The following PPP2R2B variants were observed in gnomAD, a reference collection of about 807,000 sequenced individuals.
PPP2R2B encodes the protein protein phosphatase 2 regulatory subunit Bbeta.
Under a neutral mutation model 46.0 loss-of-function variants are expected in PPP2R2B, and 5 were observed. The observed-to-expected ratio is 0.11, with a 90% CI of 0.06 to 0.23. PPP2R2B has a LOEUF of 0.23. PPP2R2B is among the 10% of genes least tolerant of loss of function. The probability of loss-of-function intolerance (pLI) is 1.00; values close to 1 mark genes in which losing one functional copy is unlikely to be tolerated. For synonymous variants in PPP2R2B, 215 were observed against 206.7 expected, an observed-to-expected ratio of 1.04 and a Z score of -0.34; for missense variants, 367 against 575.0, an observed-to-expected ratio of 0.64 and a Z score of 3.70.
At chr5:146,847,955 G>A (rs1191522566) in intron 2 of PPP2R2B, among the ~76,000 whole-genome samples, 3 of 152,064 alleles carry the variant, frequency 2.0e-5, no homozygotes, top group Non-Finnish European at 4.4e-5. Context: ...TAGAGATGAG[G>A]AAACAAAAGC....
intron 2 of PPP2R2B, among the ~76,000 whole-genome samples, chr5:146,707,990 T>G (rs977139095): frequency 6.6e-6 from 1 of 152,220 alleles, no homozygotes; most frequent in African/African-American, 2.4e-5. Flanking sequence ...TAAACAATTT[T>G]AATTTGTTTT....
Position 146,638,190 on chromosome 5 carries a change from T to C in PPP2R2B, c.790+61A>G, listed in dbSNP as rs1413687979. 3 of 1,539,048 alleles carry C rather than the reference T, an allele frequency of 1.9e-6. No homozygotes were observed. The South Asian group carries it at 3.8e-5, about 19-fold the overall frequency. Reference sequence around the variant, plus strand: ...AAAGGGAGATCATAAGCTTCCAGGCTCTCCCCCAGCACATTGGGGCCAGTG... The same window carrying C: ...AAAGGGAGATCATAAGCTTCCAGGCCCTCCCCCAGCACATTGGGGCCAGTG... On this transcript the variant is annotated intron_variant, in intron 7 of 9. Coordinates refer to ENST00000394411, the MANE Select transcript of PPP2R2B (RefSeq NM_181675.4).
rs746076114 is a variant in PPP2R2B at position 146,842,915 on chromosome 5, G to A, written c.70+35087C>T. On this transcript the variant is annotated intron_variant, in intron 2 of 9. Transcript: ENST00000394411. ...TCTAATACTTTAAAATTGGCTGGGC[G>A]CGGTGGCTCACGCCTGTAATCCCAG... 8.5e-5 allele frequency among the ~76,000 whole-genome samples: 13 copies of A among 152,282 alleles called. No homozygotes were observed. The East Asian group carries it at 1.5e-3, about 18-fold the overall frequency.
At chr5:146,879,037 C>T (rs1762074230), upstream of PPP2R2B, 19 of 587,602 alleles carry the variant, frequency 3.2e-5, no homozygotes, top group South Asian at 7.8e-4. Flanking sequence ...CCCTAGCTCC[C>T]TGCCTTTCTC....
chr5:147,069,522 A>T (rs1276364158), intron 2 of PPP2R2B, among the ~76,000 whole-genome samples: 2 of 152,032 alleles, frequency 1.3e-5, no homozygotes, highest in Non-Finnish European at 2.9e-5. Flanking sequence ...ACTTCAACAT[A>T]AACTCTTCCC....
intron 1 of PPP2R2B, among the ~76,000 whole-genome samples, chr5:146,886,992 C>A (rs2151426099): frequency 6.6e-6 from 1 of 152,000 alleles, no homozygotes; most frequent in African/African-American, 2.4e-5. Flanking sequence ...TAGAACGGCT[C>A]TGTGCAATAG....
chr5:147,056,888 T>C (rs1319879353), upstream of PPP2R2B, among the ~76,000 whole-genome samples: 3 of 152,186 alleles, frequency 2.0e-5, no homozygotes, highest in East Asian at 1.9e-4. Flanking sequence ...GACACTATTG[T>C]ATATAATGAA....
At chr5:146,742,861 C>CAGGAAGGCG (rs1752959022) in intron 2 of PPP2R2B, among the ~76,000 whole-genome samples, 1 of 152,078 alleles carries the variant, frequency 6.6e-6, no homozygotes, top group Non-Finnish European at 1.5e-5. Flanking sequence ...GAGAATAGCA[C>CAGGAAGGCG]ATGAAGGCGA....
intron 2 of PPP2R2B, among the ~76,000 whole-genome samples, chr5:146,752,976 G>T (rs1475569869): frequency 6.6e-6 from 1 of 152,156 alleles, no homozygotes; most frequent in African/African-American, 2.4e-5. Context: ...AGCCACTGTG[G>T]GCCTCAGGGA....
chr5:146,906,794 C>T (rs193091973), intron 1 of PPP2R2B, among the ~76,000 whole-genome samples: 1 of 152,300 alleles, frequency 6.6e-6, no homozygotes, highest in East Asian at 1.9e-4. Context: ...CAGTACTGTT[C>T]TACCTCATGA....
chr5:146,838,775 A>G (rs1397088995), intron 2 of PPP2R2B, among the ~76,000 whole-genome samples: 1 of 152,190 alleles, frequency 6.6e-6, no homozygotes, highest in African/African-American at 2.4e-5. Flanking sequence ...AGTTCCTCAT[A>G]TATTATACCT....
intron 2 of PPP2R2B, among the ~76,000 whole-genome samples, chr5:146,873,751 C>T (rs1761742821): frequency 6.6e-6 from 1 of 152,190 alleles, no homozygotes; most frequent in South Asian, 2.1e-4. Context: ...GCTGGGATTA[C>T]AGGCATACAC....
chr5:146,832,454 C>T lies in PPP2R2B; in HGVS notation c.70+45548G>A, dbSNP rs964826823. On this transcript the variant is annotated intron_variant, in intron 2 of 9. Coordinates refer to ENST00000394411, the MANE Select transcript of PPP2R2B (RefSeq NM_181675.4). ...TTGCCTGGGCTGGAGTGCAGTGAAGCGATGTTGGCTCACCGCAACCTCCGC... is the reference window on the plus strand; with the variant it reads ...TTGCCTGGGCTGGAGTGCAGTGAAGTGATGTTGGCTCACCGCAACCTCCGC... Among the ~76,000 whole-genome samples the T allele has an allele frequency of 1.3e-4, 16 of 126,730 alleles. 1 individual carries two copies. In the South Asian group the frequency reaches 2.1e-3, roughly 17 times the overall value. The allele number at this position is 126,730 out of a possible 152,430, so 83.1% of individuals were successfully genotyped here.
At position 146,956,079 on chromosome 5, in the gene PPP2R2B, A is replaced by G. The variant is rs146656446; in HGVS notation, c.79+99586T>C. ...GGTGTGAGCCACTGAGCCTGGCCCAATAGTCTTCTTTCTAAGGAGTCTAAG... is the reference window on the plus strand; with the variant it reads ...GGTGTGAGCCACTGAGCCTGGCCCAGTAGTCTTCTTTCTAAGGAGTCTAAG... On this transcript the variant is annotated intron_variant, in intron 1 of 8. Transcript: ENST00000336640. Among the ~76,000 whole-genome samples the G allele has an allele frequency of 2.9e-3, 440 of 152,086 alleles. 4 individuals carry two copies. The highest frequency in any genetic ancestry group is 0.01 in the African/African-American group (424 of 41,492).
chr5:146,789,447 C>A (rs1452992044), intron 2 of PPP2R2B, among the ~76,000 whole-genome samples: 1 of 151,972 alleles, frequency 6.6e-6, no homozygotes, highest in African/African-American at 2.4e-5. Context: ...TACAAAAATA[C>A]AACAAAATCT....
At chr5:147,069,521 T>C (rs1038744003) in intron 2 of PPP2R2B, among the ~76,000 whole-genome samples, 1 of 152,094 alleles carries the variant, frequency 6.6e-6, no homozygotes, top group Non-Finnish European at 1.5e-5. Flanking sequence ...AACTTCAACA[T>C]AAACTCTTCC....
intron 6 of PPP2R2B, among the ~76,000 whole-genome samples, chr5:146,645,958 A>C (rs1198795240): frequency 6.6e-6 from 1 of 152,096 alleles, no homozygotes; most frequent in East Asian, 1.9e-4. Context: ...ATGTCTCCAC[A>C]CCTCTTTGCC....
At chr5:146,752,234 T>C (rs1582022992) in intron 2 of PPP2R2B, among the ~76,000 whole-genome samples, 1 of 152,040 alleles carries the variant, frequency 6.6e-6, no homozygotes, top group Non-Finnish European at 1.5e-5. Context: ...GCACTTGCCT[T>C]GGAGTATGAG....
upstream of PPP2R2B, among the ~76,000 whole-genome samples, chr5:146,881,818 T>C (rs1762176578): frequency 6.6e-6 from 1 of 152,232 alleles, no homozygotes; most frequent in African/African-American, 2.4e-5. Context: ...AATATCTTAC[T>C]TTAATATTTA....
Sources: allele counts gnomAD v4.1 joint callset (sites outside exome capture counted in the v4.1 genomes callset), GRCh38; gene constraint gnomAD v4.1.1; transcripts MANE v1.5; gene names NCBI Gene and HGNC (gene_info 2026-07-23, HGNC 2026-07-21).